CYFIP2: variants seen among roughly 807,000 people sequenced by gnomAD.
The protein encoded by CYFIP2 is cytoplasmic FMR1 interacting protein 2.
Under a neutral mutation model 158.7 loss-of-function variants are expected in CYFIP2, and 29 were observed. That is an observed-to-expected ratio of 0.18 (90% CI 0.14 to 0.25). The LOEUF is 0.25. Among genes scored for constraint, CYFIP2 ranks in the 10% least tolerant of loss-of-function variants. The probability of loss-of-function intolerance (pLI) is 1.00; values close to 1 mark genes in which losing one functional copy is unlikely to be tolerated. For missense variants in CYFIP2, 852 were observed against 1,639.5 expected (o/e 0.52, Z 8.29); for synonymous variants, 585 against 617.6 (o/e 0.95, Z 0.78).
intron 26 of CYFIP2, among the ~76,000 whole-genome samples, chr5:157,374,073 T>C (rs1193531454): frequency 1.3e-5 from 2 of 152,222 alleles, no homozygotes; most frequent in Non-Finnish European, 2.9e-5. Context: ...TTATTAATGA[T>C]GATGGTCATT....
intron 10 of CYFIP2, 128 bp downstream of exon 10, chr5:157,309,962 G>A (rs1759570235): frequency 2.2e-6 from 2 of 908,998 alleles, no homozygotes; most frequent in African/African-American, 3.3e-5. Context: ...CAGAACACAG[G>A]TGCCGGCCGG....
intron 5 of CYFIP2, among the ~76,000 whole-genome samples, chr5:157,299,371 A>G (rs931122813): frequency 1.3e-5 from 2 of 152,066 alleles, no homozygotes; most frequent in Admixed American, 1.3e-4. Context: ...TCATCCCTGG[A>G]ACACACCTCA....
intron 27 of CYFIP2, 92 bp downstream of exon 27, chr5:157,382,754 G>A: frequency 7.6e-7 from 1 of 1,311,684 alleles, no homozygotes; most frequent in Non-Finnish European, 1.1e-6. Context: ...TAGTCAGCAA[G>A]GGGGAAGGTT....
chr5:157,337,327 T>C (rs903185947), intron 21 of CYFIP2, among the ~76,000 whole-genome samples: 3 of 152,100 alleles, frequency 2.0e-5, no homozygotes, highest in Non-Finnish European at 2.9e-5. Flanking sequence ...TTTTGAAAAA[T>C]TGCAGGATTT....
At chr5:157,390,858 G>A (rs1194245691) in intron 30 of CYFIP2, among the ~76,000 whole-genome samples, 190 bp downstream of exon 30, 2 of 152,164 alleles carry the variant, frequency 1.3e-5, no homozygotes, top group Non-Finnish European at 2.9e-5. Context: ...ATCACCTACT[G>A]CCATGAATCA....
At position 157,368,742 on chromosome 5, in the gene CYFIP2, A is replaced by C. The variant is rs548301084; in HGVS notation, c.3039+7144A>C. ...CAGTTAAGAGTCACTGGTTCCACAG[A>C]CAAGACCAAGAGCCCCATGAGCCAG... On this transcript the variant is annotated intron_variant, in intron 26 of 30. Coordinates refer to ENST00000620254, the MANE Select transcript of CYFIP2 (RefSeq NM_001037333.3). Among the ~76,000 whole-genome samples, 4 of 152,066 alleles carry C rather than the reference A, an allele frequency of 2.6e-5. No individual in the cohort carries two copies. The South Asian group carries it at 6.2e-4, about 24-fold the overall frequency.
intron 26 of CYFIP2, among the ~76,000 whole-genome samples, chr5:157,362,063 T>C (rs1298278766): frequency 6.6e-6 from 1 of 152,238 alleles, no homozygotes; most frequent in Non-Finnish European, 1.5e-5. Flanking sequence ...CACATTGGTT[T>C]AGCCCAAAGG....
At chr5:157,336,622 A>G (rs1024653957) in intron 21 of CYFIP2, among the ~76,000 whole-genome samples, 2 of 152,146 alleles carry the variant, frequency 1.3e-5, no homozygotes, top group East Asian at 3.9e-4. Flanking sequence ...GTGGTTAACA[A>G]TCAGGTCTTC....
intron 26 of CYFIP2, chr5:157,364,521 C>T (rs975886348): frequency 2.0e-5 from 3 of 152,236 alleles, no homozygotes; most frequent in Non-Finnish European, 2.9e-5. Context: ...AGAGGAGGAA[C>T]TCACCTGAGG....
chr5:157,387,735 C>T (rs944965464), intron 28 of CYFIP2, among the ~76,000 whole-genome samples: 1 of 151,662 alleles, frequency 6.6e-6, no homozygotes, highest in Admixed American at 6.6e-5. Flanking sequence ...CTGAGCAGTT[C>T]CCTCTCTGCT....
At chr5:157,299,352 G>T (rs755582067) in intron 5 of CYFIP2, among the ~76,000 whole-genome samples, 8 of 152,016 alleles carry the variant, frequency 5.3e-5, no homozygotes, top group Non-Finnish European at 7.4e-5. Flanking sequence ...AGCCACCCTG[G>T]CTTCCTTCTC....
chr5:157,314,894 A>G (rs1196395271), intron 12 of CYFIP2, 75 bp from the exon 13 acceptor site: 8 of 1,175,008 alleles, frequency 6.8e-6, no homozygotes, highest in Admixed American at 2.2e-5. Context: ...ATAATATTCC[A>G]TTGCATGGAT....
Position 157,323,168 on chromosome 5 carries a change from C to T in CYFIP2, c.1672-753C>T, listed in dbSNP as rs537996361. 3.9e-5 allele frequency among the ~76,000 whole-genome samples: 6 copies of T among 152,168 alleles called. No individual in the cohort carries two copies. In the South Asian group the frequency reaches 1.2e-3, roughly 32 times the overall value. ...AGATTAGCAAAGAGAACCACCCCAC[C>T]GCACTTGCATCCTTTGCACTTAAGG... On this transcript the variant is annotated intron_variant, in intron 15 of 30. Coordinates refer to ENST00000620254, the MANE Select transcript of CYFIP2 (RefSeq NM_001037333.3).
intron 13 of CYFIP2, among the ~76,000 whole-genome samples, chr5:157,318,228 G>A (rs891265835): frequency 6.6e-6 from 1 of 152,120 alleles, no homozygotes; most frequent in African/African-American, 2.4e-5. Flanking sequence ...TTTTGATGAA[G>A]TCCAATTTGT....
intron 26 of CYFIP2, among the ~76,000 whole-genome samples, chr5:157,373,442 A>G (rs1369436945): frequency 6.6e-6 from 1 of 151,940 alleles, no homozygotes; most frequent in East Asian, 1.9e-4. Flanking sequence ...TCTATTAGAG[A>G]CTCGCTCCAT....
chr5:157,288,528 G>A, intron 3 of CYFIP2: 2 of 449,404 alleles, frequency 4.5e-6, no homozygotes, highest in South Asian at 3.2e-5. Context: ...GTATGCAAGG[G>A]CAGATAGGGG....
chr5:157,297,406 G>T (rs1468860072), intron 5 of CYFIP2, among the ~76,000 whole-genome samples: 1 of 152,210 alleles, frequency 6.6e-6, no homozygotes, highest in African/African-American at 2.4e-5. Context: ...GTTATTTAAT[G>T]TCTCTGACAC....
chr5:157,375,508 A>C (rs1157832994), intron 26 of CYFIP2, among the ~76,000 whole-genome samples: 2 of 152,176 alleles, frequency 1.3e-5, no homozygotes, highest in East Asian at 3.9e-4. Flanking sequence ...TCTTGCCTCT[A>C]TACTGGATAG....
At chr5:157,343,066 C>T (rs768654449) in intron 23 of CYFIP2, 7 of 1,614,220 alleles carry the variant, frequency 4.3e-6, no homozygotes, top group Non-Finnish European at 5.1e-6. Flanking sequence ...ATCTCACCAA[C>T]CCATTGGCCT....
Sources: allele counts gnomAD v4.1 joint callset (sites outside exome capture counted in the v4.1 genomes callset), GRCh38; gene constraint gnomAD v4.1.1; transcripts MANE v1.5; gene names NCBI Gene and HGNC (gene_info 2026-07-23, HGNC 2026-07-21).